The following PDXDC1 variants were observed in gnomAD, a reference collection of about 807,000 sequenced individuals.
PDXDC1 encodes pyridoxal dependent decarboxylase domain containing 1, also known as pyridoxal-dependent decarboxylase domain-containing protein 1.
A neutral mutation model predicts 100.1 loss-of-function variants in PDXDC1; 42 were observed. The ratio of observed to expected loss-of-function variants is 0.42; its 90% confidence interval spans 0.33 to 0.54. PDXDC1 has a LOEUF of 0.54. Among genes scored for constraint, PDXDC1 ranks in the 20% least tolerant of loss-of-function variants. PDXDC1 has a pLI of 0.10. For missense variants in PDXDC1, 636 were observed against 979.2 expected (o/e 0.65, Z 4.68); for synonymous variants, 260 against 371.7 (o/e 0.70, Z 3.46).
At chr16:15,010,380 T>TACAC (rs1555554563) in intron 8 of PDXDC1, 1 of 155,538 alleles carries the variant, frequency 6.4e-6, no homozygotes, top group African/African-American at 2.4e-5. Context: ...AAGCCAGGTG[T>TACAC]GGTGGCACAT....
At position 15,106,526 on chromosome 16, in the gene PDXDC1, T is replaced by C. The variant is rs916266072; in HGVS notation, c.1400-32353T>C. 4.3e-3 allele frequency among the ~76,000 whole-genome samples: 646 copies of C among 150,028 alleles called. 17 individuals are homozygous for C. Among genetic ancestry groups the C allele is most frequent in the Middle Eastern group, 6.8e-3 (2 of 294 alleles). On this transcript the variant is annotated intron_variant, in intron 16 of 16. Transcript: ENST00000535621. ...ATCCCAGCACTCTGGGAGGGCGAGG[T>C]GGATGGATCACGAGGTCAGGAGATT...
At chr16:15,000,996 T>G (rs1187357862) in intron 3 of PDXDC1, among the ~76,000 whole-genome samples, 4 of 151,438 alleles carry the variant, frequency 2.6e-5, no homozygotes, top group Non-Finnish European at 5.9e-5. Flanking sequence ...TCTTATTACA[T>G]GCTTATTAAA....
chr16:15,038,778 A>G (rs551030925), downstream of PDXDC1: 2 of 689,210 alleles, frequency 2.9e-6, no homozygotes, highest in South Asian at 3.5e-5. Context: ...TAGTCCTTTC[A>G]TGCATTTATC....
intron 16 of PDXDC1, chr16:15,070,310 CAT>C: frequency 6.3e-7 from 1 of 1,592,902 alleles, no homozygotes; most frequent in Non-Finnish European, 8.6e-7. Flanking sequence ...ACCAGAATAA[CAT>C]AAAAACACAC....
intron 7 of PDXDC1, among the ~76,000 whole-genome samples, chr16:15,009,150 G>A (rs999892260): frequency 2.6e-5 from 4 of 152,296 alleles, no homozygotes; most frequent in Non-Finnish European, 5.9e-5. Flanking sequence ...CTTTTAATGA[G>A]TTAGCACTGT....
intron 16 of PDXDC1, among the ~76,000 whole-genome samples, chr16:15,101,489 G>A (rs1396883478): frequency 6.6e-6 from 1 of 151,786 alleles, no homozygotes; most frequent in Non-Finnish European, 1.5e-5. Flanking sequence ...GCTGTTTTTT[G>A]TAGAGATGGG....
intron 5 of PDXDC1, among the ~76,000 whole-genome samples, chr16:15,005,609 T>TA (rs1279663899): frequency 3.9e-5 from 6 of 152,288 alleles, no homozygotes; most frequent in Non-Finnish European, 8.8e-5. Flanking sequence ...GTTGTTCTAG[T>TA]AAAAATCTAC....
At chr16:15,080,839 T>G (rs1157636853) in intron 16 of PDXDC1, among the ~76,000 whole-genome samples, 2 of 144,912 alleles carry the variant, frequency 1.4e-5, no homozygotes, top group Non-Finnish European at 3.1e-5. Context: ...TCTTTGACAT[T>G]TCATATAAAT....
rs571309875 is a variant in PDXDC1, at chr16:15,070,302, C to T, written c.1399+40246C>T. ...TCAACTTTACACATCATAAAAAAAC[C>T]AGAATAACATAAAAACACACAACTG... On this transcript the variant is annotated intron_variant, in intron 16 of 16. Coordinates refer to the PDXDC1 transcript ENST00000535621. 421 of 1,603,730 alleles carry T rather than the reference C, an allele frequency of 2.6e-4. 3 individuals carry two copies. The highest frequency in any genetic ancestry group is 3.2e-4 in the Non-Finnish European group (379 of 1,175,888).
intron 16 of PDXDC1, among the ~76,000 whole-genome samples, chr16:15,056,276 G>A (rs1357061458): frequency 6.6e-6 from 1 of 152,248 alleles, no homozygotes; most frequent in East Asian, 1.9e-4. Flanking sequence ...CCAAAAGCGT[G>A]GGAGTGAAGG....
At chr16:15,056,896 C>T (rs2151743751) in intron 16 of PDXDC1, among the ~76,000 whole-genome samples, 1 of 152,294 alleles carries the variant, frequency 6.6e-6, no homozygotes, top group South Asian at 2.1e-4. Context: ...CAATAGGCCA[C>T]TCACAGGTGG....
chr16:15,099,443 A>C (rs1315535731), intron 16 of PDXDC1, among the ~76,000 whole-genome samples: 8 of 151,052 alleles, frequency 5.3e-5, no homozygotes, highest in African/African-American at 1.9e-4. Flanking sequence ...AAAAAAAAAA[A>C]AGGAGAAAAA....
intron 12 of PDXDC1, among the ~76,000 whole-genome samples, chr16:15,019,647 C>A (rs1350606529): frequency 1.3e-5 from 2 of 152,276 alleles, no homozygotes; most frequent in Non-Finnish European, 2.9e-5. Flanking sequence ...CCTCACATGG[C>A]AGAAGGGGTG....
chr16:15,075,337 C>A (rs2045408416), intron 16 of PDXDC1, among the ~76,000 whole-genome samples: 1 of 151,798 alleles, frequency 6.6e-6, no homozygotes, highest in Non-Finnish European at 1.5e-5. Context: ...CTTTGGGAGG[C>A]CAAGGCAGGA....
chr16:15,144,729 G>A, the PDXDC1 span, among the ~76,000 whole-genome samples: 2 of 152,200 alleles, frequency 1.3e-5, no homozygotes, highest in Admixed American at 6.5e-5. Context: ...CACAGGGATG[G>A]AGACTCCGGC....
chr16:15,098,012 C>T (rs1421638788), intron 16 of PDXDC1, among the ~76,000 whole-genome samples: 1 of 144,190 alleles, frequency 6.9e-6, no homozygotes, highest in African/African-American at 2.6e-5. Flanking sequence ...CATGATCTCC[C>T]GCCGTCCTCC....
At chr16:15,081,154 T>C (rs1244104785) in intron 16 of PDXDC1, among the ~76,000 whole-genome samples, 2 of 152,238 alleles carry the variant, frequency 1.3e-5, no homozygotes, top group Non-Finnish European at 2.9e-5. Context: ...CTTGAGGCTA[T>C]TATGGATGAT....
At chr16:14,980,958 C>T (rs1967836621) in intron 1 of PDXDC1, among the ~76,000 whole-genome samples, 1 of 152,282 alleles carries the variant, frequency 6.6e-6, no homozygotes, top group Non-Finnish European at 1.5e-5. Context: ...ATGCTGAGTG[C>T]TGACAGAGAC....
At chr16:15,068,293 A>C (rs774336480) in intron 16 of PDXDC1, 2 of 1,566,936 alleles carry the variant, frequency 1.3e-6, no homozygotes, top group East Asian at 2.3e-5. Context: ...GTTTAAAAAA[A>C]AAAAAGATTT....
Sources: allele counts gnomAD v4.1 joint callset (sites outside exome capture counted in the v4.1 genomes callset), GRCh38; gene constraint gnomAD v4.1.1; transcripts MANE v1.5; gene names NCBI Gene and HGNC (gene_info 2026-07-23, HGNC 2026-07-21).